Variants in SGCZ observed in about 807,000 individuals in gnomAD.
SGCZ encodes zeta-sarcoglycan.
SGCZ carries 40 observed loss-of-function variants against 41.3 expected under a neutral mutation model. The observed-to-expected ratio is 0.97, with a 90% CI of 0.75 to 1.26. SGCZ has a LOEUF of 1.26. SGCZ is among the 50% of genes most tolerant of loss of function. SGCZ has a pLI of 0.00. For missense variants in SGCZ, 552 were observed against 369.8 expected, an observed-to-expected ratio of 1.49 and a Z score of -4.04; for synonymous variants, 206 against 137.5, an observed-to-expected ratio of 1.50 and a Z score of -3.49.
intron 1 of SGCZ, among the ~76,000 whole-genome samples, chr8:15,157,885 G>A (rs141777984): frequency 4.6e-4 from 70 of 152,260 alleles, no homozygotes; most frequent in African/African-American, 1.6e-3. Context: ...ACAAAGAAAC[G>A]TAGAGACCAT....
At chr8:14,502,166 T>C (rs1378952749) in intron 2 of SGCZ, among the ~76,000 whole-genome samples, 1 of 152,156 alleles carries the variant, frequency 6.6e-6, no homozygotes, top group Non-Finnish European at 1.5e-5. Flanking sequence ...TTATTTTTCA[T>C]GATGGATCCT....
intron 3 of SGCZ, among the ~76,000 whole-genome samples, chr8:14,269,277 A>G (rs187620631): frequency 6.6e-6 from 1 of 152,298 alleles, no homozygotes; most frequent in East Asian, 1.9e-4. Flanking sequence ...TTAATTCATT[A>G]AATAATTCAA....
intron 1 of SGCZ, among the ~76,000 whole-genome samples, chr8:14,781,623 A>C (rs2130435895): frequency 6.6e-6 from 1 of 152,294 alleles, no homozygotes; most frequent in African/African-American, 2.4e-5. Flanking sequence ...ATTCATTTCT[A>C]ATAACATAAT....
chr8:14,423,677 G>A (rs1194110356), intron 2 of SGCZ, among the ~76,000 whole-genome samples: 1 of 152,166 alleles, frequency 6.6e-6, no homozygotes, highest in Non-Finnish European at 1.5e-5. Flanking sequence ...GCCTCCCAAA[G>A]TGCTGGTATT....
chr8:15,093,940 G>A (rs768934121), intron 1 of SGCZ, among the ~76,000 whole-genome samples: 1 of 152,006 alleles, frequency 6.6e-6, no homozygotes, highest in African/African-American at 2.4e-5. Context: ...TGGGTCCTTG[G>A]GATATAGCAG....
intron 5 of SGCZ, among the ~76,000 whole-genome samples, chr8:14,111,379 A>C (rs1391588088): frequency 1.3e-5 from 2 of 152,184 alleles, no homozygotes; most frequent in African/African-American, 2.4e-5. Flanking sequence ...TGACTTACTT[A>C]TGCTCACTTA....
rs1240915755 is a variant in SGCZ at position 14,401,827 on chromosome 8, G to A, written c.235-77623C>T. On this transcript the variant is annotated intron_variant, in intron 2 of 7. Coordinates refer to ENST00000382080, the MANE Select transcript of SGCZ (RefSeq NM_139167.4). ...CAGTAATGGGATGGCTGGGTCAAAT[G>A]GTATTTCTAGTTCTAGATCCCTGAG... Among the ~76,000 whole-genome samples the A allele has an allele frequency of 8.6e-5, 13 of 150,622 alleles. 1 individual carries two copies. Among genetic ancestry groups the A allele is most frequent in the Non-Finnish European group, 1.5e-4 (10 of 67,898 alleles).
At chr8:14,403,614 C>G (rs1221977836) in intron 2 of SGCZ, among the ~76,000 whole-genome samples, 2 of 152,078 alleles carry the variant, frequency 1.3e-5, no homozygotes, top group Non-Finnish European at 2.9e-5. Context: ...TATATTGAAC[C>G]AGCCTTGCAT....
intron 4 of SGCZ, among the ~76,000 whole-genome samples, chr8:14,225,866 T>A (rs1249075092): frequency 6.6e-6 from 1 of 152,126 alleles, no homozygotes; most frequent in African/African-American, 2.4e-5. Context: ...GTTATTTCAA[T>A]AATGAGAATC....
chr8:14,292,853 T>C (rs1211518638), intron 3 of SGCZ, among the ~76,000 whole-genome samples: 12 of 152,044 alleles, frequency 7.9e-5, no homozygotes. Flanking sequence ...GTAATCCCTC[T>C]GTCTCTATAT....
intron 3 of SGCZ, among the ~76,000 whole-genome samples, chr8:14,264,331 C>T (rs1322091322): frequency 1.3e-5 from 2 of 152,104 alleles, no homozygotes; most frequent in African/African-American, 4.8e-5. Context: ...GCATCGGGTC[C>T]TTCACAATGA....
chr8:14,218,745 C>T (rs1422655575), intron 4 of SGCZ, among the ~76,000 whole-genome samples: 4 of 152,098 alleles, frequency 2.6e-5, no homozygotes, highest in African/African-American at 7.2e-5. Flanking sequence ...CAAAATGTGT[C>T]GTAAAGCAGC....
At chr8:15,114,565 T>G (rs1807195984) in intron 1 of SGCZ, among the ~76,000 whole-genome samples, 1 of 152,200 alleles carries the variant, frequency 6.6e-6, no homozygotes, top group South Asian at 2.1e-4. Flanking sequence ...TGATTTTTAT[T>G]TTTATTTTGC....
At chr8:15,080,037 G>A (rs931601407) in intron 1 of SGCZ, among the ~76,000 whole-genome samples, 4 of 151,360 alleles carry the variant, frequency 2.6e-5, no homozygotes, top group African/African-American at 9.7e-5. Flanking sequence ...TTTTTCCTTC[G>A]CCATTTTTTT....
At chr8:15,045,091 A>G (rs1184919993) in intron 1 of SGCZ, among the ~76,000 whole-genome samples, 1 of 151,850 alleles carries the variant, frequency 6.6e-6, no homozygotes. Flanking sequence ...ATATTTATTT[A>G]TTTATTTATT....
chr8:14,326,295 TGAG>T (rs1802113185), intron 2 of SGCZ, among the ~76,000 whole-genome samples: 1 of 151,754 alleles, frequency 6.6e-6, no homozygotes, highest in Non-Finnish European at 1.5e-5. Context: ...AGACGAAAGT[TGAG>T]GGAATATAAT....
intron 1 of SGCZ, among the ~76,000 whole-genome samples, chr8:15,078,686 T>C (rs971180206): frequency 2.0e-5 from 3 of 151,944 alleles, no homozygotes; most frequent in African/African-American, 7.3e-5. Flanking sequence ...TTCTCTGATA[T>C]AAATATATGT....
intron 1 of SGCZ, among the ~76,000 whole-genome samples, chr8:14,905,252 G>T (rs1382858290): frequency 1.3e-5 from 2 of 151,422 alleles, no homozygotes; most frequent in Non-Finnish European, 3.0e-5. Flanking sequence ...AATCTCAATA[G>T]GAAAAAATAG....
chr8:14,999,362 G>C (rs781367463), intron 1 of SGCZ, among the ~76,000 whole-genome samples: 1 of 152,132 alleles, frequency 6.6e-6, no homozygotes, highest in African/African-American at 2.4e-5. Context: ...AAAGAGACCA[G>C]GATAGTTCCA....
Sources: allele counts gnomAD v4.1 joint callset (sites outside exome capture counted in the v4.1 genomes callset), GRCh38; gene constraint gnomAD v4.1.1; transcripts MANE v1.5; gene names NCBI Gene and HGNC (gene_info 2026-07-23, HGNC 2026-07-21).